Variants in VAC14 observed in about 807,000 individuals in gnomAD.
VAC14 encodes the protein protein VAC14 homolog.
Under a neutral mutation model 85.3 loss-of-function variants are expected in VAC14, and 47 were observed. The observed-to-expected ratio is 0.55, with a 90% CI of 0.44 to 0.70. VAC14 has a LOEUF of 0.70. Ranked by LOEUF, VAC14 falls within the 30% of genes least tolerant of loss-of-function variation. VAC14 has a pLI of 0.00. For synonymous variants in VAC14, 447 were observed against 430.5 expected, an observed-to-expected ratio of 1.04 and a Z score of -0.47; for missense variants, 861 against 1,004.3, an observed-to-expected ratio of 0.86 and a Z score of 1.93.
chr16:70,768,742 T>C, intron 10 of VAC14: 1 of 439,036 alleles, frequency 2.3e-6, no homozygotes, highest in Non-Finnish European at 4.5e-6. Flanking sequence ...GATGCAAGGA[T>C]TGCTTCCATG....
At chr16:70,782,457 T>C (rs2033860689) in intron 7 of VAC14, among the ~76,000 whole-genome samples, 1 of 152,234 alleles carries the variant, frequency 6.6e-6, no homozygotes, top group African/African-American at 2.4e-5. Context: ...TGCTGGACGA[T>C]GAGACATGTG....
intron 16 of VAC14, among the ~76,000 whole-genome samples, chr16:70,696,328 C>A (rs2142991314): frequency 6.6e-6 from 1 of 152,276 alleles, no homozygotes; most frequent in South Asian, 2.1e-4. Context: ...GCCTGGCCAA[C>A]ATGGTGAGAC....
At position 70,778,738 on chromosome 16, in the gene VAC14, G is replaced by A. The variant is rs564720078; in HGVS notation, c.1096+2052C>T. 8 of 152,286 alleles carry A rather than the reference G, an allele frequency of 5.3e-5. No individual in the cohort carries two copies. The South Asian group carries it at 1.7e-3, about 32-fold the overall frequency. 9.4% of individuals were successfully genotyped at this position (152,286 alleles called of 1,614,324 possible). On this transcript the variant is annotated intron_variant, in intron 9 of 18. Coordinates refer to ENST00000261776, the MANE Select transcript of VAC14 (RefSeq NM_018052.5). ...TGTTAAGTTCTATGATCTTAACTAC[G>A]TATATATATTAAAAACTGGAAAAAA...
chr16:70,758,432 G>C (rs1236772095), intron 12 of VAC14, among the ~76,000 whole-genome samples: 1 of 152,178 alleles, frequency 6.6e-6, no homozygotes, highest in Non-Finnish European at 1.5e-5. Context: ...GGATGTTCAC[G>C]TTCACTCACA....
chr16:70,733,461 C>T (rs2054654857), intron 13 of VAC14, among the ~76,000 whole-genome samples: 2 of 151,200 alleles, frequency 1.3e-5, no homozygotes, highest in Admixed American at 1.3e-4. Context: ...ATTATTTGTC[C>T]CCACCCAAAT....
At chr16:70,746,855 C>T (rs1017734920) in intron 12 of VAC14, among the ~76,000 whole-genome samples, 1 of 151,560 alleles carries the variant, frequency 6.6e-6, no homozygotes, top group Non-Finnish European at 1.5e-5. Flanking sequence ...GACTTGAGAC[C>T]AGGAAATGGA....
At chr16:70,710,370 T>C (rs2054006471) in intron 14 of VAC14, among the ~76,000 whole-genome samples, 1 of 152,146 alleles carries the variant, frequency 6.6e-6, no homozygotes, top group African/African-American at 2.4e-5. Context: ...CCTCGGAGAT[T>C]GAGTCTGTCT....
At chr16:70,730,142 C>T (rs187418993) in intron 14 of VAC14, among the ~76,000 whole-genome samples, 445 of 151,956 alleles carry the variant, frequency 2.9e-3, no homozygotes, top group Non-Finnish European at 3.9e-3. Context: ...TACTCAGTCT[C>T]GAATCCTCAT....
rs1161977043 is a variant in VAC14 at position 70,762,875 on chromosome 16, G to A, written c.1305+6C>T. 1.9e-6 allele frequency: 3 copies of A among 1,614,190 alleles called. No homozygotes were observed. Among genetic ancestry groups the A allele is most frequent in the Non-Finnish European group, 2.5e-6 (3 of 1,180,034 alleles). ...GGCCCCTGGCTTGGAGGGGCCCAGG[G>A]CTCACCTTCCGAGGAGTTTTGATGT... On this transcript the variant is annotated splice_donor_region_variant and intron_variant, in intron 11 of 18. Transcript: ENST00000261776. This position sits in a 1 kb window ranked among gnomAD's most constrained non-coding sequence, Gnocchi z 4.1.
At chr16:70,789,435 A>T (rs896475821) in intron 1 of VAC14, among the ~76,000 whole-genome samples, 1 of 152,136 alleles carries the variant, frequency 6.6e-6, no homozygotes, top group African/African-American at 2.4e-5. Context: ...ATATTCTGTT[A>T]ATCAACTTAT....
At chr16:70,739,501 C>G (rs900076482) in intron 13 of VAC14, among the ~76,000 whole-genome samples, 8 of 152,228 alleles carry the variant, frequency 5.3e-5, no homozygotes, top group Non-Finnish European at 1.0e-4. Flanking sequence ...CCCCTCTCCT[C>G]CTCCCCTCTG....
At chr16:70,750,187 A>G (rs2031265247) in intron 12 of VAC14, among the ~76,000 whole-genome samples, 2 of 152,224 alleles carry the variant, frequency 1.3e-5, no homozygotes, top group African/African-American at 4.8e-5. Context: ...GCTTCCAGGA[A>G]AACAGACCTA....
intron 10 of VAC14, among the ~76,000 whole-genome samples, chr16:70,767,676 A>G (rs2032921378): frequency 6.6e-6 from 1 of 152,242 alleles, no homozygotes. Context: ...CTCTGGAGTC[A>G]GACAGATCTA....
intron 14 of VAC14, among the ~76,000 whole-genome samples, chr16:70,707,962 T>C (rs2142994643): frequency 6.6e-6 from 1 of 152,262 alleles, no homozygotes; most frequent in East Asian, 1.9e-4. Context: ...GGCTAATTTT[T>C]GTATTTTTAG....
intron 18 of VAC14, 60 bp from the exon 19 acceptor site, chr16:70,688,150 T>C (rs1238988396): frequency 4.2e-6 from 6 of 1,418,170 alleles, no homozygotes; most frequent in Non-Finnish European, 4.7e-6. Flanking sequence ...GGGTTACTGC[T>C]GGAGGGCAGT....
In VAC14 at chr16:70,730,893, G is replaced by A. The variant is rs185771338; in HGVS notation, c.1661+602C>T. Among the ~76,000 whole-genome samples, 5 of 152,258 alleles carry A rather than the reference G, an allele frequency of 3.3e-5. No homozygotes were observed. In the East Asian group the frequency reaches 9.7e-4, roughly 29 times the overall value. Reference sequence around the variant, plus strand: ...ATCTCCTCCACCTGGCTTTGGTGTAGAAGCTGGAGGAATTTGTGCCCTGCT... The same window carrying A: ...ATCTCCTCCACCTGGCTTTGGTGTAAAAGCTGGAGGAATTTGTGCCCTGCT... On this transcript the variant is annotated intron_variant, in intron 14 of 18. Coordinates refer to ENST00000261776, the MANE Select transcript of VAC14 (RefSeq NM_018052.5).
chr16:70,729,378 C>T (rs577714340), intron 14 of VAC14, among the ~76,000 whole-genome samples: 129 of 152,304 alleles, frequency 8.5e-4, no homozygotes, highest in African/African-American at 3.0e-3. Context: ...CCACTGTGGT[C>T]CTGCTCTTTG....
chr16:70,771,491 T>C (rs890377794), intron 10 of VAC14: 2 of 152,196 alleles, frequency 1.3e-5, no homozygotes, highest in South Asian at 2.1e-4. Context: ...ATGTATTAGC[T>C]GTACTTTTAT....
chr16:70,692,490 C>G (rs1425104106), intron 18 of VAC14, among the ~76,000 whole-genome samples: 1 of 152,162 alleles, frequency 6.6e-6, no homozygotes, highest in Admixed American at 6.5e-5. Flanking sequence ...GTGTTTCTCT[C>G]CAGGGTCCTC....
Sources: gnomAD v4.1 joint callset for allele counts (sites outside exome capture counted in the v4.1 genomes callset) on GRCh38, gnomAD v4.1.1 for gene constraint, Gnocchi (gnomAD v3.1) non-coding constraint, MANE v1.5 for transcripts, NCBI Gene and HGNC (gene_info 2026-07-23, HGNC 2026-07-21) for gene names.